Variants in LRRK1 observed in about 807,000 individuals in gnomAD.
LRRK1 encodes the protein leucine-rich repeat serine/threonine-protein kinase 1.
LRRK1 carries 113 observed loss-of-function variants against 209.1 expected under a neutral mutation model. The observed-to-expected ratio is 0.54, with a 90% confidence interval of 0.46 to 0.63. LRRK1 has a LOEUF of 0.63. Ranked by LOEUF, LRRK1 falls within the 30% of genes least tolerant of loss-of-function variation. LRRK1 has a pLI of 0.00. For synonymous variants in LRRK1, 1,144 were observed against 1,099.7 expected, an observed-to-expected ratio of 1.04 and a Z score of -0.80; for missense variants, 2,284 against 2,632.2, an observed-to-expected ratio of 0.87 and a Z score of 2.89.
At chr15:100,920,323 A>C (rs540027669) in intron 1 of LRRK1, 56 of 152,366 alleles carry the variant, frequency 3.7e-4, no homozygotes, top group African/African-American at 1.3e-3. Flanking sequence ...AGAGTTTGCC[A>C]GCCACTCACA....
At chr15:100,931,808 A>G (rs773679073) in intron 2 of LRRK1, among the ~76,000 whole-genome samples, 12 of 152,118 alleles carry the variant, frequency 7.9e-5, no homozygotes, top group Non-Finnish European at 1.3e-4. Context: ...CTGACAGTGC[A>G]CTATGAGCAT....
At chr15:101,057,142 A>G in intron 28 of LRRK1, 92 bp downstream of exon 28, 4 of 1,130,374 alleles carry the variant, frequency 3.5e-6, no homozygotes, top group Non-Finnish European at 5.0e-6. Flanking sequence ...CTGCCCAACC[A>G]TCACCATTGG....
In LRRK1 at chr15:101,027,619, T is replaced by C. The variant is rs576943274; in HGVS notation, c.2527-19T>C. The C allele has an allele frequency of 6.2e-7, 1 of 1,607,254 alleles. No individual in the cohort carries two copies. The highest frequency in any genetic ancestry group is 1.7e-5 in the Admixed American group (1 of 59,184). ...GCCTTGGGACCTGAGAGACCCTGCC[T>C]CGCCCAACTGTCCCCCAGATCCCCA... is the stretch of plus-strand genomic sequence containing the variant. On this transcript the variant is annotated intron_variant, in intron 18 of 33. Transcript: ENST00000388948. This position sits in a 1 kb window ranked among gnomAD's most constrained non-coding sequence, Gnocchi z 5.1.
intron 22 of LRRK1, chr15:101,049,401 TC>T: frequency 2.2e-6 from 1 of 447,702 alleles, no homozygotes; most frequent in Non-Finnish European, 4.0e-6. Context: ...GAGGGTCAGC[TC>T]CCAGGCTGAG....
At chr15:100,995,178 C>A (rs185365771) in intron 6 of LRRK1, among the ~76,000 whole-genome samples, 1 of 152,052 alleles carries the variant, frequency 6.6e-6, no homozygotes, top group East Asian at 1.9e-4. Context: ...CATGTGCCAT[C>A]GTGTTTTTTG....
rs2141653472 is a variant in LRRK1 at position 100,973,850 on chromosome 15, T to C, written c.144T>C (p.Pro48=). The part of the protein sequence containing the change: ...GGKPSTRGGD[P]AARSRRTEGI... ...AGCCGTCCACGCGGGGCGGTGACCC[T>C]GCAGCGCGGTCCCGCAGGACGGAAG... is the stretch of plus-strand genomic sequence containing the variant. Residue 48 remains proline, a synonymous_variant, in exon 3 of 34, where the codon CCT becomes CCC. Transcript: ENST00000388948. 7.7e-7 allele frequency: 1 copy of C among 1,291,864 alleles called. No individual in the cohort carries two copies. The highest frequency in any genetic ancestry group is 9.8e-7 in the Non-Finnish European group (1 of 1,015,928). The allele number at this position is 1,291,864 out of a possible 1,614,324, so 80.0% of individuals were successfully genotyped here. A position where few individuals can be genotyped will look rare whatever the true frequency, so the allele number is the denominator to read the frequency against.
chr15:101,033,250 T>G (rs2034359373), intron 20 of LRRK1, among the ~76,000 whole-genome samples: 1 of 152,216 alleles, frequency 6.6e-6, no homozygotes, highest in Non-Finnish European at 1.5e-5. Context: ...TCCATCACTT[T>G]GAGTATTTAT....
chr15:100,941,403 TGTGTGTCTC>T (rs2141610431), intron 2 of LRRK1, among the ~76,000 whole-genome samples: 4 of 119,430 alleles, frequency 3.3e-5, no homozygotes, highest in African/African-American at 1.0e-4. Context: ...TGTGTGTCTG[TGTGTGTCTC>T]TGTGTGTGTG....
At chr15:101,012,218 A>G (rs1041694989) in intron 10 of LRRK1, 73 bp downstream of exon 10, 4 of 1,304,368 alleles carry the variant, frequency 3.1e-6, no homozygotes, top group Non-Finnish European at 4.3e-6. Context: ...AGTGAAATGT[A>G]TGTGCTTTTC....
At chr15:100,958,161 T>G (rs2042803926) in intron 2 of LRRK1, among the ~76,000 whole-genome samples, 1 of 152,234 alleles carries the variant, frequency 6.6e-6, no homozygotes, top group Non-Finnish European at 1.5e-5. Flanking sequence ...CAGCCTGTTC[T>G]GTAGTTCTTT....
At chr15:100,947,078 C>T (rs2042553561) in intron 2 of LRRK1, among the ~76,000 whole-genome samples, 1 of 152,068 alleles carries the variant, frequency 6.6e-6, no homozygotes, top group Admixed American at 6.6e-5. Flanking sequence ...CAAGCGATTC[C>T]TCTGCCTCAG....
intron 2 of LRRK1, among the ~76,000 whole-genome samples, chr15:100,970,540 C>T (rs1166754737): frequency 6.6e-6 from 1 of 152,110 alleles, no homozygotes; most frequent in Non-Finnish European, 1.5e-5. Context: ...ATTACTATAG[C>T]TTTGTAGTTT....
intron 30 of LRRK1, 79 bp downstream of exon 30, chr15:101,061,367 A>G (rs2036169620): frequency 1.1e-6 from 1 of 950,734 alleles, no homozygotes; most frequent in African/African-American, 1.6e-5. Flanking sequence ...CCACATTCAT[A>G]AAAATACAGG....
At chr15:100,957,318 T>C (rs897462364) in intron 2 of LRRK1, among the ~76,000 whole-genome samples, 1 of 152,210 alleles carries the variant, frequency 6.6e-6, no homozygotes, top group African/African-American at 2.4e-5. Flanking sequence ...ATTTGGTCTA[T>C]AGTATTATTC....
At position 100,973,929 on chromosome 15, in the gene LRRK1, G is replaced by C. The variant is rs2141653682; in HGVS notation, c.223G>C (p.Glu75Gln). Reference sequence around the variant, plus strand: ...CCGCGGCGGCGCCCGGGACCTGCTGGAGGAGGCCTGCGACCAGTGCGCGTC... The same window carrying C: ...CCGCGGCGGCGCCCGGGACCTGCTGCAGGAGGCCTGCGACCAGTGCGCGTC... The part of the protein sequence containing the change: ...GDRGGARDLL[E>Q]EACDQCASQL... The change falls in exon 3 of 34, where the codon GAG becomes CAG. Residue 75 changes from glutamate (E) to glutamine (Q), a missense_variant. This residue lies in a region of LRRK1 where 174 missense variants were observed against 133.5 expected (regional missense o/e 1.30). Transcript: ENST00000388948. 7.9e-7 allele frequency: 1 copy of C among 1,263,066 alleles called. No homozygotes were observed. The highest frequency in any genetic ancestry group is 1.0e-6 in the Non-Finnish European group (1 of 998,448). 78.2% of individuals were successfully genotyped at this position (1,263,066 alleles called of 1,614,324 possible).
intron 31 of LRRK1, 97 bp from the exon 32 acceptor site, chr15:101,065,255 C>T: frequency 1.4e-6 from 2 of 1,454,434 alleles, no homozygotes; most frequent in Non-Finnish European, 1.9e-6. Flanking sequence ...TGACTGCCCG[C>T]CTGGTGTGGG....
rs866448925 is a variant in LRRK1 at position 101,027,779 on chromosome 15, T to C, written c.2668T>C (p.Tyr890His). ...GACGCCCGACAACGACATCAAGGAC[T>C]ACGAGGACCTGCAGTCAGGTGGGTG... The part of the protein sequence containing the change: ...EQTPDNDIKD[Y>H]EDLQSAISFL... The change falls in exon 19 of 34, where the codon TAC becomes CAC. Residue 890 changes from tyrosine to histidine, a missense_variant. Transcript: ENST00000388948. This position sits in a 1 kb window ranked among gnomAD's most constrained non-coding sequence, Gnocchi z 5.1. The C allele has an allele frequency of 2.5e-6, 4 of 1,589,570 alleles. No homozygotes were observed. The highest frequency in any genetic ancestry group is 3.4e-6 in the Non-Finnish European group (4 of 1,167,886).
intron 2 of LRRK1, among the ~76,000 whole-genome samples, chr15:100,946,367 A>T (rs1216602495): frequency 6.9e-6 from 1 of 144,688 alleles, no homozygotes; most frequent in Non-Finnish European, 1.5e-5. Context: ...TTCCAATGCC[A>T]CCATAATGAC....
intron 29 of LRRK1, among the ~76,000 whole-genome samples, chr15:101,059,839 A>G (rs2036053457): frequency 6.6e-6 from 1 of 152,240 alleles, no homozygotes; most frequent in Non-Finnish European, 1.5e-5. Context: ...GGCAGAGTCC[A>G]GGTCCGGGGC....
Sources: allele counts gnomAD v4.1 joint callset (sites outside exome capture counted in the v4.1 genomes callset), GRCh38; gene constraint gnomAD v4.1.1; regional missense constraint gnomAD v4.1.1; non-coding constraint Gnocchi (gnomAD v3.1); transcripts MANE v1.5; gene names NCBI Gene and HGNC (gene_info 2026-07-23, HGNC 2026-07-21).